Variants in BTNL3 observed in about 807,000 individuals in gnomAD.
The protein encoded by BTNL3 is butyrophilin like 3.
In BTNL3, 20 loss-of-function variants were observed where a neutral mutation model predicts 40.1. The ratio of observed to expected loss-of-function variants is 0.50; its 90% CI spans 0.35 to 0.72. The LOEUF is 0.72. BTNL3 is among the 30% of genes least tolerant of loss of function. BTNL3 has a pLI of 0.01. For synonymous variants in BTNL3, 179 were observed against 222.1 expected (o/e 0.81, Z 1.73); for missense variants, 449 against 582.2 (o/e 0.77, Z 2.35).
chr5:180,993,065 TA>T lies in BTNL3; in HGVS notation c.308del (p.Asn103ThrfsTer94). On this transcript the variant is annotated frameshift_variant, in exon 2 of 8. Coordinates refer to ENST00000342868, the MANE Select transcript of BTNL3 (RefSeq NM_197975.3). LOFTEE classifies it high-confidence loss of function. The stretch of plus-strand genomic sequence containing the variant: ...GCAGGGGGGCGTGTCTCTCTAAGGC[TA>T]AAAAACATCACTCCCTCGGACATCG... ...SIAGGRVSLR[L>X]KNITPSDIGL... 5 of 1,455,344 alleles carry T rather than the reference TA, an allele frequency of 3.4e-6. 2 individuals are homozygous for T. The highest frequency in any genetic ancestry group is 4.7e-6 in the Non-Finnish European group (5 of 1,054,722). 90.2% of individuals were successfully genotyped at this position (1,455,344 alleles called of 1,614,324 possible).
rs1759936890 is a variant in BTNL3 at position 180,988,977 on chromosome 5, A to G, written c.-52A>G. 1 of 1,419,684 alleles carries G rather than the reference A, an allele frequency of 7.0e-7. No homozygotes were observed. The highest frequency in any genetic ancestry group is 1.4e-5 in the African/African-American group (1 of 70,918). 87.9% of individuals were successfully genotyped at this position (1,419,684 alleles called of 1,614,324 possible). On this transcript the variant is annotated 5_prime_UTR_variant, in exon 1 of 8. Coordinates refer to ENST00000342868, the MANE Select transcript of BTNL3 (RefSeq NM_197975.3). The stretch of plus-strand genomic sequence containing the variant: ...GGCCTGACCTCCAAATCATCCATCC[A>G]CCCCTGCTGTCATCTGTTTTCATAG...
Position 180,990,075 on chromosome 5 carries a change from A to G in BTNL3, c.49+998A>G, listed in dbSNP as rs555501691. 2.9e-5 allele frequency among the ~76,000 whole-genome samples: 4 copies of G among 136,634 alleles called. 2 individuals are homozygous for G. The East Asian group carries it at 8.7e-4, about 30-fold the overall frequency. The allele number at this position is 136,634 out of a possible 152,430, so 89.6% of individuals were successfully genotyped here. A position where few individuals can be genotyped will look rare whatever the true frequency, so the allele number is the denominator to read the frequency against. On this transcript the variant is annotated intron_variant, in intron 1 of 7. Coordinates refer to ENST00000342868, the MANE Select transcript of BTNL3 (RefSeq NM_197975.3). ...CTCGGGAGGCTGAGGCACGAGAATC[A>G]CTTAAACCCAGGAGGCGGAGGTTGC...
In BTNL3 at chr5:180,997,559, G is replaced by T. The variant is rs756561975; in HGVS notation, c.673+71G>T. The T allele has an allele frequency of 2.7e-4, 396 of 1,442,758 alleles. 100 individuals are homozygous for T. Among genetic ancestry groups the T allele is most frequent in the Non-Finnish European group, 3.7e-4 (389 of 1,047,276 alleles). The allele number at this position is 1,442,758 out of a possible 1,614,324, so 89.4% of individuals were successfully genotyped here. On this transcript the variant is annotated intron_variant, in intron 3 of 7. Coordinates refer to ENST00000342868, the MANE Select transcript of BTNL3 (RefSeq NM_197975.3). The stretch of plus-strand genomic sequence containing the variant: ...AACCCAGGGTAGAGCAGCAGCTTGT[G>T]TCTGGGATTGTTGTGTAGTACCATC...
chr5:180,991,707 G>A lies in BTNL3; in HGVS notation c.50-1106G>A, dbSNP rs1486021067. Among the ~76,000 whole-genome samples the A allele has an allele frequency of 2.2e-5, 3 of 136,782 alleles. 1 individual carries two copies. Among genetic ancestry groups the A allele is most frequent in the African/African-American group, 5.0e-5 (2 of 39,636 alleles). The allele number at this position is 136,782 out of a possible 152,430, so 89.7% of individuals were successfully genotyped here. ...CTCTGTCCTCATGAAGCTAAAAGTCGTGCAGGGAAGGCTCGCAGAAAACAA... is the reference window on the plus strand; with the variant it reads ...CTCTGTCCTCATGAAGCTAAAAGTCATGCAGGGAAGGCTCGCAGAAAACAA... On this transcript the variant is annotated intron_variant, in intron 1 of 7. Transcript: ENST00000342868.
intron 6 of BTNL3, 133 bp from the exon 7 acceptor site, chr5:181,004,603 C>T (rs928165088): frequency 6.2e-7 from 1 of 1,601,220 alleles, no homozygotes; most frequent in Non-Finnish European, 8.5e-7. Context: ...GTAGAGAAGC[C>T]CCATAGCCTT....
At chr5:181,004,591 T>A in intron 6 of BTNL3, 145 bp from the exon 7 acceptor site, 2 of 1,586,116 alleles carry the variant, frequency 1.3e-6, no homozygotes, top group Non-Finnish European at 1.7e-6. Context: ...GAGGTGCATT[T>A]TGTAGAGAAG....
rs56895500 is a variant in BTNL3, at chr5:181,002,471, AATATATATATATATATAT to A, written c.674-184_674-167del. Among the ~76,000 whole-genome samples the A allele has an allele frequency of 4.3e-4, 32 of 73,888 alleles. 6 individuals are homozygous for A. Among genetic ancestry groups the A allele is most frequent in the Admixed American group, 4.0e-3 (22 of 5,514 alleles). 48.5% of individuals were successfully genotyped at this position (73,888 alleles called of 152,430 possible). On this transcript the variant is annotated intron_variant, in intron 3 of 7. Transcript: ENST00000342868. Reference sequence around the variant, plus strand: ...TAACGCGCACACACACACACACGTGAATATATATATATATATATATATATATATATATATGAAATCCGG... The same window carrying A: ...TAACGCGCACACACACACACACGTGAATATATATATATATATGAAATCCGG...
Position 181,006,417 on chromosome 5 carries a change from C to A in BTNL3, c.*545C>A, listed in dbSNP as rs1420868597. On this transcript the variant is annotated 3_prime_UTR_variant, in exon 8 of 8. Transcript: ENST00000342868. Reference sequence around the variant, plus strand: ...TCACCCATGGAATAGTTATTGAACACCTGCTTTGTGAGGCTCAAAGAATAA... The same window carrying A: ...TCACCCATGGAATAGTTATTGAACAACTGCTTTGTGAGGCTCAAAGAATAA... 1 of 158,802 alleles carries A rather than the reference C, an allele frequency of 6.3e-6. No homozygotes were observed. The highest frequency in any genetic ancestry group is 2.4e-5 in the African/African-American group (1 of 41,746). The allele number at this position is 158,802 out of a possible 1,614,324, so 9.8% of individuals were successfully genotyped here. A position where few individuals can be genotyped will look rare whatever the true frequency, so the allele number is the denominator to read the frequency against.
Position 180,999,657 on chromosome 5 carries a change from G to A in BTNL3, c.673+2169G>A, listed in dbSNP as rs1277721714. On this transcript the variant is annotated intron_variant, in intron 3 of 7. Transcript: ENST00000342868. ...TCTACTAAAAATACAAAAATTAGCT[G>A]GGCGTGGTGGTGTGTGTCTGTAATC... is the stretch of plus-strand genomic sequence containing the variant. Among the ~76,000 whole-genome samples the A allele has an allele frequency of 1.5e-5, 2 of 135,658 alleles. 1 individual carries two copies. Among genetic ancestry groups the A allele is most frequent in the Non-Finnish European group, 3.4e-5 (2 of 59,390 alleles). The allele number at this position is 135,658 out of a possible 152,430, so 89.0% of individuals were successfully genotyped here.
Position 181,005,846 on chromosome 5 carries a change from T to C in BTNL3, c.1375T>C (p.Phe459Leu). Residue 459 changes from phenylalanine to leucine, a missense_variant, in exon 8 of 8, where the codon TTC becomes CTC. This residue lies in a region of BTNL3 where 126 missense variants were observed against 117.2 expected (regional missense o/e 1.07). Transcript: ENST00000342868. ...MYDEEKGTPI[F>L]ICPVSWG ...TGACGAGGAAAAGGGGACTCCCATA[T>C]TCATATGTCCAGTGTCCTGGGGATG... 6.2e-7 allele frequency: 1 copy of C among 1,611,190 alleles called. No individual in the cohort carries two copies. The highest frequency in any genetic ancestry group is 8.5e-7 in the Non-Finnish European group (1 of 1,178,434).
At chr5:181,002,865 T>C in intron 4 of BTNL3, 80 bp downstream of exon 4, 5 of 1,381,932 alleles carry the variant, frequency 3.6e-6, no homozygotes, top group Non-Finnish European at 5.0e-6. Flanking sequence ...CTCACACACC[T>C]CTGGGCTCTG....
Position 180,990,930 on chromosome 5 carries a change from G to A in BTNL3, c.49+1853G>A, listed in dbSNP as rs1381193379. The stretch of plus-strand genomic sequence containing the variant: ...GCTCAGGATCTTCCCAACATCCACT[G>A]CTTCCTGTTCCCCACTGGGTGAGAT... On this transcript the variant is annotated intron_variant, in intron 1 of 7. Transcript: ENST00000342868. 2.9e-5 allele frequency among the ~76,000 whole-genome samples: 4 copies of A among 137,394 alleles called. 1 individual carries two copies. Among genetic ancestry groups the A allele is most frequent in the African/African-American group, 1.0e-4 (4 of 39,906 alleles). 90.1% of individuals were successfully genotyped at this position (137,394 alleles called of 152,430 possible). A position where few individuals can be genotyped will look rare whatever the true frequency, so the allele number is the denominator to read the frequency against.
Position 181,002,689 on chromosome 5 carries a change from T to A in BTNL3, c.691T>A (p.Ser231Thr), listed in dbSNP as rs1760144164. ...TTTTTCAGAGACGTTTTTCCAGCCC[T>A]CACCTTGGCGCCTGGCTTCTATTTT... ...VLIGETFFQP[S>T]PWRLASILLG... The change falls in exon 4 of 8, where the codon TCA becomes ACA. Residue 231 changes from serine (S) to threonine (T), a missense_variant. Physicochemically the swap from Ser to Thr is moderately conservative, Grantham distance 58. Coordinates refer to ENST00000342868, the MANE Select transcript of BTNL3 (RefSeq NM_197975.3). 6.9e-7 allele frequency: 1 copy of A among 1,455,220 alleles called. No individual in the cohort carries two copies. Among genetic ancestry groups the A allele is most frequent in the African/African-American group, 1.4e-5 (1 of 71,514 alleles). 90.1% of individuals were successfully genotyped at this position (1,455,220 alleles called of 1,614,324 possible).
chr5:180,991,016 G>T lies in BTNL3; in HGVS notation c.50-1797G>T, dbSNP rs1759962511. Among the ~76,000 whole-genome samples the T allele has an allele frequency of 1.5e-5, 2 of 136,880 alleles. 1 individual carries two copies. Among genetic ancestry groups the T allele is most frequent in the African/African-American group, 5.0e-5 (2 of 39,736 alleles). The allele number at this position is 136,880 out of a possible 152,430, so 89.8% of individuals were successfully genotyped here. A position where few individuals can be genotyped will look rare whatever the true frequency, so the allele number is the denominator to read the frequency against. On this transcript the variant is annotated intron_variant, in intron 1 of 7. Transcript: ENST00000342868. Reference sequence around the variant, plus strand: ...TTGGCCACCCTGTGCCTGGGCTGAGGAGGTTCCAAAGGTTGCAAGAAGCCA... The same window carrying T: ...TTGGCCACCCTGTGCCTGGGCTGAGTAGGTTCCAAAGGTTGCAAGAAGCCA...
In BTNL3 at chr5:181,001,844, C is replaced by CAACAA. The variant is rs111642156; in HGVS notation, c.674-801_674-797dup. 7.6e-4 allele frequency among the ~76,000 whole-genome samples: 92 copies of CAACAA among 120,558 alleles called. 10 individuals are homozygous for CAACAA. The highest frequency in any genetic ancestry group is 2.4e-3 in the Admixed American group (26 of 10,792). The allele number at this position is 120,558 out of a possible 152,430, so 79.1% of individuals were successfully genotyped here. A position where few individuals can be genotyped will look rare whatever the true frequency, so the allele number is the denominator to read the frequency against. On this transcript the variant is annotated intron_variant, in intron 3 of 7. Transcript: ENST00000342868. The stretch of plus-strand genomic sequence containing the variant: ...TGGGCAACAGAGCGAGACTCTGTCT[C>CAACAA]AACAAAACAAAACAAAACAAAACAA...
In BTNL3 at chr5:180,997,388, G is replaced by T; in HGVS notation, c.573G>T (p.Val191=). ...CAGATGGGTACAGCCTGTATGATGT[G>T]GAGATCTCCATTATAGTCCAGGAAA... The part of the protein sequence containing the change: ...ANADGYSLYD[V]EISIIVQENA... The change falls in exon 3 of 8, where the codon GTG becomes GTT. Residue 191 remains valine, a synonymous_variant. Coordinates refer to ENST00000342868, the MANE Select transcript of BTNL3 (RefSeq NM_197975.3). 6.8e-7 allele frequency: 1 copy of T among 1,463,770 alleles called. No homozygotes were observed. Among genetic ancestry groups the T allele is most frequent in the Non-Finnish European group, 9.4e-7 (1 of 1,059,070 alleles). The allele number at this position is 1,463,770 out of a possible 1,614,324, so 90.7% of individuals were successfully genotyped here. A position where few individuals can be genotyped will look rare whatever the true frequency, so the allele number is the denominator to read the frequency against.
chr5:181,004,817 C>T (rs1760189592), intron 7 of BTNL3, 55 bp downstream of exon 7: 1 of 1,613,926 alleles, frequency 6.2e-7, no homozygotes, highest in Admixed American at 1.7e-5. Flanking sequence ...TGACCAGTGA[C>T]AGATATGGAG....
chr5:180,996,561 T>A lies in BTNL3; in HGVS notation c.398-652T>A, dbSNP rs1760037260. Reference sequence around the variant, plus strand: ...CTTGCCTTGTGCCTTTTTCAGATCTTGTCTCACACCCCTACTCTCTTATAC... The same window carrying A: ...CTTGCCTTGTGCCTTTTTCAGATCTAGTCTCACACCCCTACTCTCTTATAC... On this transcript the variant is annotated intron_variant, in intron 2 of 7. Coordinates refer to ENST00000342868, the MANE Select transcript of BTNL3 (RefSeq NM_197975.3). Among the ~76,000 whole-genome samples the A allele has an allele frequency of 1.5e-5, 2 of 136,920 alleles. 1 individual carries two copies. Among genetic ancestry groups the A allele is most frequent in the Non-Finnish European group, 3.3e-5 (2 of 59,744 alleles). 89.8% of individuals were successfully genotyped at this position (136,920 alleles called of 152,430 possible). A position where few individuals can be genotyped will look rare whatever the true frequency, so the allele number is the denominator to read the frequency against.
At position 180,997,106 on chromosome 5, in the gene BTNL3, G is replaced by A. The variant is rs1760044226; in HGVS notation, c.398-107G>A. Reference sequence around the variant, plus strand: ...TGTGTGTGTGAGAGAGAGAGAGAGAGAAAAGGATGTATGTGTGTTATGGGT... The same window carrying A: ...TGTGTGTGTGAGAGAGAGAGAGAGAAAAAAGGATGTATGTGTGTTATGGGT... On this transcript the variant is annotated intron_variant, in intron 2 of 7. Transcript: ENST00000342868. 9 of 1,342,694 alleles carry A rather than the reference G, an allele frequency of 6.7e-6. 2 individuals are homozygous for A. Among genetic ancestry groups the A allele is most frequent in the South Asian group, 1.2e-5 (1 of 83,798 alleles). 83.2% of individuals were successfully genotyped at this position (1,342,694 alleles called of 1,614,324 possible). A position where few individuals can be genotyped will look rare whatever the true frequency, so the allele number is the denominator to read the frequency against.
Sources: allele counts gnomAD v4.1 joint callset (sites outside exome capture counted in the v4.1 genomes callset), GRCh38; gene constraint gnomAD v4.1.1; regional missense constraint gnomAD v4.1.1; transcripts MANE v1.5; gene names NCBI Gene and HGNC (gene_info 2026-07-23, HGNC 2026-07-21).